The following SIMC1 variants were observed in gnomAD, a reference collection of about 807,000 sequenced individuals.
The protein encoded by SIMC1 is SUMO interacting motifs containing 1.
SIMC1 carries 55 observed loss-of-function variants against 82.3 expected under a neutral mutation model. The observed-to-expected ratio is 0.67, with a 90% CI of 0.54 to 0.84. The LOEUF is 0.84. Among genes scored for constraint, SIMC1 ranks in the 40% least tolerant of loss-of-function variants. The probability of loss-of-function intolerance (pLI) is 0.00; values close to 1 mark genes in which losing one functional copy is unlikely to be tolerated. For missense variants in SIMC1, 915 were observed against 1,107.2 expected (o/e 0.83, Z 2.46); for synonymous variants, 353 against 426.3 (o/e 0.83, Z 2.12).
chr5:176,256,818 T>C (rs954578220), intron 1 of SIMC1, among the ~76,000 whole-genome samples: 4 of 152,208 alleles, frequency 2.6e-5, no homozygotes, highest in East Asian at 1.9e-4. Flanking sequence ...TCATAGCTCA[T>C]TGTAGCCTTG....
intron 1 of SIMC1, among the ~76,000 whole-genome samples, chr5:176,241,609 C>T (rs1049431633): frequency 4.6e-5 from 7 of 151,944 alleles, no homozygotes; most frequent in South Asian, 2.1e-4. Flanking sequence ...CTAACCCCCC[C>T]GTGCAGTTGA....
Position 176,324,621 on chromosome 5 carries a change from G to T in SIMC1, c.2043-8G>T. Reference sequence around the variant, plus strand: ...CACACTCATCTGTGTCCTATGTTCTGGACTCAGGATTGTGTGCCAGCTTCA... The same window carrying T: ...CACACTCATCTGTGTCCTATGTTCTTGACTCAGGATTGTGTGCCAGCTTCA... On this transcript the variant is annotated splice_region_variant and splice_polypyrimidine_tract_variant and intron_variant, in intron 6 of 9. Coordinates refer to ENST00000429602, the MANE Select transcript of SIMC1 (RefSeq NM_001308195.2). 6.2e-7 allele frequency: 1 copy of T among 1,610,338 alleles called. No homozygotes were observed. The highest frequency in any genetic ancestry group is 8.5e-7 in the Non-Finnish European group (1 of 1,178,412).
intron 1 of SIMC1, among the ~76,000 whole-genome samples, chr5:176,284,595 T>G (rs1226226159): frequency 6.6e-6 from 1 of 152,124 alleles, no homozygotes; most frequent in African/African-American, 2.4e-5. Context: ...ATTGACACCC[T>G]AACATCACAA....
intron 1 of SIMC1, among the ~76,000 whole-genome samples, chr5:176,263,970 C>G (rs4046120): frequency 7.2e-4 from 110 of 152,302 alleles, no homozygotes; most frequent in Middle Eastern, 3.4e-3. Context: ...CAAAAGAAAG[C>G]GGTAATAGGC....
At chr5:176,304,086 C>T (rs1764165127) in intron 4 of SIMC1, among the ~76,000 whole-genome samples, 1 of 152,244 alleles carries the variant, frequency 6.6e-6, no homozygotes, top group Middle Eastern at 3.4e-3. Context: ...TTCTGTGCAT[C>T]AACAGAGTGA....
intron 7 of SIMC1, among the ~76,000 whole-genome samples, chr5:176,330,418 G>A (rs1048412130): frequency 5.3e-5 from 8 of 149,574 alleles, no homozygotes; most frequent in Non-Finnish European, 7.4e-5. Context: ...AAAAAAAAAG[G>A]GAACCAGAAT....
intron 4 of SIMC1, among the ~76,000 whole-genome samples, chr5:176,310,603 T>C (rs1256923001): frequency 1.3e-5 from 2 of 152,306 alleles, no homozygotes; most frequent in South Asian, 2.1e-4. Context: ...GACAAAATTA[T>C]TGAAATGAAG....
chr5:176,345,484 A>ACT lies in SIMC1; in HGVS notation c.*47_*48dup, dbSNP rs1766420809. Reference sequence around the variant, plus strand: ...ACTGAATGCCAAGAATACCTCCTGAACTCTCTCTCCAACTGCTCAGAAGCT... The same window carrying ACT: ...ACTGAATGCCAAGAATACCTCCTGAACTCTCTCTCTCCAACTGCTCAGAAGCT... On this transcript the variant is annotated 3_prime_UTR_variant, in exon 10 of 10. Transcript: ENST00000429602. 6.3e-7 allele frequency: 1 copy of ACT among 1,580,066 alleles called. No individual in the cohort carries two copies. Among genetic ancestry groups the ACT allele is most frequent in the African/African-American group, 1.4e-5 (1 of 73,464 alleles).
chr5:176,293,849 T>A (rs1227761181), intron 2 of SIMC1, among the ~76,000 whole-genome samples: 11 of 152,152 alleles, frequency 7.2e-5, no homozygotes, highest in Admixed American at 2.6e-4. Context: ...ATAAGTGTGT[T>A]ATGGAAAAAT....
chr5:176,276,190 T>G (rs1665424080), intron 1 of SIMC1, among the ~76,000 whole-genome samples: 1 of 151,692 alleles, frequency 6.6e-6, no homozygotes, highest in Admixed American at 6.6e-5. Context: ...TTCTTCCTGG[T>G]TTAGTCTTAG....
chr5:176,310,543 C>G (rs1479703660), intron 4 of SIMC1, among the ~76,000 whole-genome samples: 1 of 152,146 alleles, frequency 6.6e-6, no homozygotes, highest in East Asian at 1.9e-4. Context: ...AAAAGCCAGT[C>G]TCAAATGGTC....
Position 176,337,095 on chromosome 5 carries a change from T to C in SIMC1, c.2362T>C (p.Leu788=), listed in dbSNP as rs1290607623. The change falls in exon 9 of 10, where the codon TTG becomes CTG. Residue 788 remains leucine (L), a synonymous_variant. Transcript: ENST00000429602. Reference sequence around the variant, plus strand: ...AAGCCAGTGGCAGACTTGGGACGAATTGGTTGAGCATCTGCAGTTTCTGCT... The same window carrying C: ...AAGCCAGTGGCAGACTTGGGACGAACTGGTTGAGCATCTGCAGTTTCTGCT... ...DKSQWQTWDE[L]VEHLQFLLSS... 2 of 1,613,922 alleles carry C rather than the reference T, an allele frequency of 1.2e-6. No homozygotes were observed. Among genetic ancestry groups the C allele is most frequent in the African/African-American group, 1.3e-5 (1 of 74,934 alleles).
chr5:176,330,050 G>A (rs1581323374), intron 7 of SIMC1, among the ~76,000 whole-genome samples: 1 of 152,098 alleles, frequency 6.6e-6, no homozygotes, highest in East Asian at 1.9e-4. Flanking sequence ...TTATATCTTA[G>A]TAGCAGTGGA....
intron 7 of SIMC1, among the ~76,000 whole-genome samples, chr5:176,329,531 C>T (rs1765542632): frequency 1.3e-5 from 2 of 151,080 alleles, no homozygotes; most frequent in South Asian, 2.1e-4. Context: ...ATAGCTATTC[C>T]ATCATCACAA....
chr5:176,317,286 C>G (rs975834338), intron 5 of SIMC1, among the ~76,000 whole-genome samples: 2 of 152,094 alleles, frequency 1.3e-5, no homozygotes, highest in Non-Finnish European at 2.9e-5. Flanking sequence ...CATATGAACC[C>G]TTCTTAAGGG....
chr5:176,246,800 A>G (rs1183323443), intron 1 of SIMC1, among the ~76,000 whole-genome samples: 2 of 150,214 alleles, frequency 1.3e-5, no homozygotes, highest in Non-Finnish European at 1.5e-5. Context: ...TGATGTTCCC[A>G]TCCCTGTGTC....
intron 4 of SIMC1, among the ~76,000 whole-genome samples, chr5:176,297,807 G>A (rs1349479024): frequency 3.3e-5 from 5 of 152,148 alleles, no homozygotes; most frequent in South Asian, 2.1e-4. Flanking sequence ...GAGGTTACCT[G>A]AGGTAGTATA....
chr5:176,327,047 C>G (rs977910459), intron 7 of SIMC1, among the ~76,000 whole-genome samples: 1 of 152,154 alleles, frequency 6.6e-6, no homozygotes, highest in Non-Finnish European at 1.5e-5. Context: ...ACATGAATAC[C>G]ATGCTTGCTC....
chr5:176,336,652 G>A, intron 7 of SIMC1, 68 bp from the exon 8 acceptor site: 3 of 1,572,624 alleles, frequency 1.9e-6, no homozygotes. Context: ...CATTCAGGGT[G>A]AATTGTGGCT....
Sources: allele counts gnomAD v4.1 joint callset (sites outside exome capture counted in the v4.1 genomes callset), GRCh38; gene constraint gnomAD v4.1.1; transcripts MANE v1.5; gene names NCBI Gene and HGNC (gene_info 2026-07-23, HGNC 2026-07-21).